Variants in DLG1 observed in about 807,000 individuals in gnomAD.
DLG1 encodes the protein disks large homolog 1.
Under a neutral mutation model 123.4 loss-of-function variants are expected in DLG1, and 42 were observed. The ratio of observed to expected loss-of-function variants is 0.34; its 90% confidence interval spans 0.27 to 0.44. The LOEUF (loss-of-function observed/expected upper bound fraction) is 0.44, where lower values mean the gene tolerates loss of function less well. Among genes scored for constraint, DLG1 ranks in the 20% least tolerant of loss-of-function variants. The pLI, the probability that DLG1 is intolerant of heterozygous loss-of-function variation, is 1.00. For synonymous variants in DLG1, 317 were observed against 356.2 expected, an observed-to-expected ratio of 0.89 and a Z score of 1.24; for missense variants, 942 against 1,082.6, an observed-to-expected ratio of 0.87 and a Z score of 1.82.
chr3:197,139,270 C>A (rs1275252054), intron 8 of DLG1, among the ~76,000 whole-genome samples: 1 of 152,102 alleles, frequency 6.6e-6, no homozygotes, highest in Non-Finnish European at 1.5e-5. Flanking sequence ...TCCTGACAAG[C>A]TTCTATATCT....
chr3:197,223,299 C>T lies in DLG1; in HGVS notation c.319-28710G>A, dbSNP rs201605647. Among the ~76,000 whole-genome samples, 12 of 152,194 alleles carry T rather than the reference C, an allele frequency of 7.9e-5. No homozygotes were observed. The East Asian group carries it at 1.9e-3, about 24-fold the overall frequency. On this transcript the variant is annotated intron_variant, in intron 4 of 24. Transcript: ENST00000667157. The stretch of plus-strand genomic sequence containing the variant: ...GCTGATACTGCTCCAATTATACACA[C>T]GCATGCACACTCTCACTCTGACACA...
chr3:197,066,879 T>G (rs1217211774), intron 19 of DLG1, 125 bp from the exon 20 acceptor site: 2 of 560,524 alleles, frequency 3.6e-6, no homozygotes. Flanking sequence ...TGGAAAGAGG[T>G]ACTTTATGGC....
At chr3:197,134,554 C>T (rs192059561) in intron 10 of DLG1, among the ~76,000 whole-genome samples, 1 of 150,972 alleles carries the variant, frequency 6.6e-6, no homozygotes, top group East Asian at 2.0e-4. Flanking sequence ...AACCAACTTC[C>T]TACTATGCCA....
At chr3:197,084,817 T>G (rs1255858347) in intron 16 of DLG1, among the ~76,000 whole-genome samples, 2 of 151,640 alleles carry the variant, frequency 1.3e-5, no homozygotes, top group Admixed American at 6.6e-5. Context: ...GACAGAGTTT[T>G]GCTCTGTCTC....
In DLG1 at chr3:197,119,272, G is replaced by A. The variant is rs1579615509; in HGVS notation, c.1286+138C>T. 1.0e-5 allele frequency: 5 copies of A among 499,632 alleles called. No individual in the cohort carries two copies. The Admixed American group carries it at 1.9e-4, about 19-fold the overall frequency. The allele number at this position is 499,632 out of a possible 1,614,324, so 30.9% of individuals were successfully genotyped here. A position where few individuals can be genotyped will look rare whatever the true frequency, so the allele number is the denominator to read the frequency against. ...AGGCTCTTCAATGAATCCTCCTATG[G>A]AAAAAAATTAACCTTTAAGCTCACT... On this transcript the variant is annotated intron_variant, in intron 12 of 24. Transcript: ENST00000667157.
intron 15 of DLG1, among the ~76,000 whole-genome samples, chr3:197,087,714 G>C (rs1755238105): frequency 6.6e-6 from 1 of 152,206 alleles, no homozygotes; most frequent in South Asian, 2.1e-4. Flanking sequence ...TGGCAGCAGA[G>C]AGGGTTATAG....
At chr3:197,086,732 CA>C (rs1191878922) in intron 15 of DLG1, among the ~76,000 whole-genome samples, 3 of 152,072 alleles carry the variant, frequency 2.0e-5, no homozygotes, top group South Asian at 2.1e-4. Context: ...GATCGTTAAG[CA>C]GGAGGGCTCA....
intron 11 of DLG1, among the ~76,000 whole-genome samples, chr3:197,122,446 T>C (rs1235304632): frequency 6.6e-6 from 1 of 152,022 alleles, no homozygotes; most frequent in East Asian, 1.9e-4. Flanking sequence ...ACTGGAGGTC[T>C]TACCAATGCA....
intron 4 of DLG1, among the ~76,000 whole-genome samples, chr3:197,217,975 T>G (rs533167451): frequency 2.6e-5 from 4 of 152,236 alleles, no homozygotes; most frequent in Non-Finnish European, 5.9e-5. Flanking sequence ...ATTTTAAAAA[T>G]TGGGTTTGCT....
At chr3:197,177,944 C>T (rs778687988) in intron 5 of DLG1, among the ~76,000 whole-genome samples, 1 of 152,088 alleles carries the variant, frequency 6.6e-6, no homozygotes, top group Non-Finnish European at 1.5e-5. Flanking sequence ...CTTGGGCCCT[C>T]CTTAGCACAA....
chr3:197,243,330 T>C (rs1260608446), intron 4 of DLG1, among the ~76,000 whole-genome samples: 1 of 151,928 alleles, frequency 6.6e-6, no homozygotes, highest in Non-Finnish European at 1.5e-5. Flanking sequence ...AAAAACTACT[T>C]ATGTAATAGA....
chr3:197,271,836 A>T lies in DLG1; in HGVS notation c.318+10843T>A, dbSNP rs140344747. On this transcript the variant is annotated intron_variant, in intron 4 of 24. Transcript: ENST00000667157. ...TGCATGATGTCTACGACTGATTTTC[A>T]AATAGTTCCAAAAAATACACACATA... 2.9e-3 allele frequency among the ~76,000 whole-genome samples: 441 copies of T among 152,340 alleles called. 3 individuals are homozygous for T. The highest frequency in any genetic ancestry group is 6.2e-3 in the South Asian group (30 of 4,832).
At chr3:197,126,516 G>A (rs142641052) in intron 11 of DLG1, among the ~76,000 whole-genome samples, 4 of 151,462 alleles carry the variant, frequency 2.6e-5, no homozygotes, top group African/African-American at 9.7e-5. Flanking sequence ...TACTCAATTC[G>A]TGGAACAACT....
chr3:197,142,015 C>G (rs936935420), intron 7 of DLG1, among the ~76,000 whole-genome samples: 11 of 152,140 alleles, frequency 7.2e-5, no homozygotes, highest in African/African-American at 2.7e-4. Flanking sequence ...GAGGGAAAAA[C>G]ATATCTTAAG....
chr3:197,065,496 C>T, intron 21 of DLG1, 48 bp from the exon 22 acceptor site: 1 of 1,394,752 alleles, frequency 7.2e-7, no homozygotes. Context: ...AAAAAAAAAA[C>T]CACAATAAAT....
chr3:197,108,911 CTA>C (rs954763851), intron 13 of DLG1, among the ~76,000 whole-genome samples: 16 of 152,054 alleles, frequency 1.1e-4, no homozygotes, highest in Non-Finnish European at 1.8e-4. Flanking sequence ...GTTATTTGTT[CTA>C]TGTCTTTTCT....
At chr3:197,080,621 C>G (rs1344995475) in intron 17 of DLG1, 1 of 154,836 alleles carries the variant, frequency 6.5e-6, no homozygotes, top group East Asian at 1.9e-4. Context: ...GCCACCATGC[C>G]TGGCTAACTT....
At chr3:197,276,429 CTATT>C (rs1052366468) in intron 4 of DLG1, among the ~76,000 whole-genome samples, 8 of 152,312 alleles carry the variant, frequency 5.3e-5, no homozygotes, top group Non-Finnish European at 7.3e-5. Flanking sequence ...CTGTTTCCTC[CTATT>C]TATTTAATCT....
chr3:197,283,015 T>A (rs1249138594), intron 3 of DLG1, among the ~76,000 whole-genome samples, 170 bp from the exon 4 acceptor site: 1 of 152,214 alleles, frequency 6.6e-6, no homozygotes. Flanking sequence ...TATATCACAA[T>A]CATATCAGAA....
Sources: gnomAD v4.1 joint callset for allele counts (sites outside exome capture counted in the v4.1 genomes callset) on GRCh38, gnomAD v4.1.1 for gene constraint, MANE v1.5 for transcripts, NCBI Gene and HGNC (gene_info 2026-07-23, HGNC 2026-07-21) for gene names.